DPP10: variants seen among roughly 807,000 people sequenced by gnomAD.
The protein encoded by DPP10 is dipeptidyl peptidase like 10.
Under a neutral mutation model 120.9 loss-of-function variants are expected in DPP10, and 33 were observed. The observed-to-expected ratio is 0.27, with a 90% CI of 0.21 to 0.37. The LOEUF (loss-of-function observed/expected upper bound fraction) is 0.37, where lower values mean the gene tolerates loss of function less well. DPP10 is among the 10% of genes least tolerant of loss of function. The pLI is 1.00. For synonymous variants in DPP10, 337 were observed against 326.1 expected (o/e 1.03, Z -0.36); for missense variants, 816 against 942.8 (o/e 0.87, Z 1.76).
At chr2:115,017,695 T>C (rs564047723) in intron 1 of DPP10, among the ~76,000 whole-genome samples, 114 of 152,162 alleles carry the variant, frequency 7.5e-4, no homozygotes, top group African/African-American at 2.7e-3. Context: ...TGAGTTCATG[T>C]CCTTCATAGG....
intron 1 of DPP10, among the ~76,000 whole-genome samples, chr2:114,902,888 CATCT>C (rs1693692208): frequency 6.6e-6 from 1 of 152,124 alleles, no homozygotes; most frequent in South Asian, 2.1e-4. Context: ...TAATGACATG[CATCT>C]ATCATTATAG....
chr2:114,613,006 T>C (rs897136883), intron 1 of DPP10, among the ~76,000 whole-genome samples: 2 of 152,184 alleles, frequency 1.3e-5, no homozygotes, highest in African/African-American at 4.8e-5. Context: ...CACACCCAAA[T>C]ATCTAATCAC....
intron 1 of DPP10, among the ~76,000 whole-genome samples, chr2:114,734,834 A>G: frequency 6.6e-6 from 1 of 152,180 alleles, no homozygotes; most frequent in East Asian, 1.9e-4. Context: ...CTGCCATAGA[A>G]AACTACCACA....
intron 1 of DPP10, among the ~76,000 whole-genome samples, chr2:114,656,488 T>G (rs1696977542): frequency 6.6e-6 from 1 of 152,122 alleles, no homozygotes; most frequent in Admixed American, 6.6e-5. Context: ...AGTAAACTAT[T>G]TTATAACAGT....
intron 1 of DPP10, among the ~76,000 whole-genome samples, chr2:115,300,299 G>A (rs115213468): frequency 0.033 from 5,084 of 152,054 alleles, 108 homozygotes; most frequent in South Asian, 0.051. Flanking sequence ...CTCGACGCAC[G>A]TCGTTTAAGT....
chr2:114,988,656 A>G (rs1276430502), intron 1 of DPP10, among the ~76,000 whole-genome samples: 5 of 152,298 alleles, frequency 3.3e-5, no homozygotes, highest in South Asian at 2.1e-4. Flanking sequence ...TATCATCAAT[A>G]TGATCTATGC....
chr2:115,500,249 A>G (rs2076614798), intron 4 of DPP10, among the ~76,000 whole-genome samples: 1 of 151,958 alleles, frequency 6.6e-6, no homozygotes, highest in African/African-American at 2.4e-5. Context: ...TCAGTATTGC[A>G]AATGTTGAAA....
At chr2:114,545,035 A>G (rs1687271322) in intron 1 of DPP10, among the ~76,000 whole-genome samples, 1 of 152,044 alleles carries the variant, frequency 6.6e-6, no homozygotes, top group Non-Finnish European at 1.5e-5. Context: ...TATATTTAGT[A>G]GAGACGGGGT....
chr2:115,422,918 G>A (rs974339065), intron 3 of DPP10, among the ~76,000 whole-genome samples: 4 of 152,072 alleles, frequency 2.6e-5, no homozygotes, highest in Non-Finnish European at 5.9e-5. Flanking sequence ...CCCTTCAAAT[G>A]TGACTTCCTT....
Position 115,696,348 on chromosome 2 carries a change from A to C in DPP10, c.576+6427A>C, listed in dbSNP as rs375218544. Among the ~76,000 whole-genome samples the C allele has an allele frequency of 7.2e-5, 11 of 152,286 alleles. No homozygotes were observed. The East Asian group carries it at 2.1e-3, about 29-fold the overall frequency. ...AAAGACAAAGAGAATTTTGAAAGCA[A>C]CCTGAGAGAGGCCCTCCTCGCTTGT... On this transcript the variant is annotated intron_variant, in intron 7 of 25. Coordinates refer to ENST00000410059, the MANE Select transcript of DPP10 (RefSeq NM_020868.6).
chr2:115,585,459 A>G (rs1320642373), intron 5 of DPP10, among the ~76,000 whole-genome samples: 2 of 152,360 alleles, frequency 1.3e-5, no homozygotes, highest in East Asian at 3.9e-4. Flanking sequence ...TGCTAATTGC[A>G]GTACTTTTCA....
At chr2:115,532,584 A>T (rs2078537947) in intron 5 of DPP10, among the ~76,000 whole-genome samples, 1 of 152,044 alleles carries the variant, frequency 6.6e-6, no homozygotes, top group Non-Finnish European at 1.5e-5. Context: ...TTCTCCAGAC[A>T]TAGTGGTTAG....
Position 115,763,727 on chromosome 2 carries a change from A to G in DPP10, c.1113+1117A>G, listed in dbSNP as rs150501724. Among the ~76,000 whole-genome samples the G allele has an allele frequency of 8.4e-3, 1,280 of 152,280 alleles. 53 individuals are homozygous for G. Among genetic ancestry groups the G allele is most frequent in the Admixed American group, 0.075 (1,140 of 15,266 alleles). On this transcript the variant is annotated intron_variant, in intron 12 of 25. Transcript: ENST00000410059. ...AGTGACCTTTTTAAAATATGCATTT[A>G]ATTGTTGCTACTAACATTCCCCTCA...
intron 19 of DPP10, among the ~76,000 whole-genome samples, chr2:115,801,627 G>A (rs540213159): frequency 2.4e-4 from 36 of 152,162 alleles, no homozygotes; most frequent in Non-Finnish European, 4.9e-4. Flanking sequence ...AGTTTATTAA[G>A]AGTTTTTAGC....
At chr2:115,529,741 G>C (rs888128998) in intron 5 of DPP10, among the ~76,000 whole-genome samples, 34 of 152,016 alleles carry the variant, frequency 2.2e-4, no homozygotes, top group Non-Finnish European at 3.7e-4. Flanking sequence ...TTTCTATCTA[G>C]AAGAACAATT....
At chr2:115,495,327 G>A (rs1279025072) in intron 3 of DPP10, among the ~76,000 whole-genome samples, 2 of 116,776 alleles carry the variant, frequency 1.7e-5, no homozygotes, top group African/African-American at 6.5e-5. Context: ...AGTTTTAGGA[G>A]TTTAATGTTT....
chr2:114,533,225 G>A (rs543899269), intron 1 of DPP10, among the ~76,000 whole-genome samples: 4 of 152,232 alleles, frequency 2.6e-5, no homozygotes, highest in Admixed American at 6.5e-5. Flanking sequence ...TTGAATGGGG[G>A]GAACTCTGTC....
chr2:114,636,608 C>T (rs568338221), intron 1 of DPP10, among the ~76,000 whole-genome samples: 184 of 152,000 alleles, frequency 1.2e-3, no homozygotes, highest in East Asian at 1.4e-3. Context: ...ACTCTGGGAA[C>T]GCTGTAGTAA....
intron 7 of DPP10, among the ~76,000 whole-genome samples, chr2:115,697,535 C>T (rs1249303922): frequency 6.6e-6 from 1 of 151,552 alleles, no homozygotes; most frequent in Non-Finnish European, 1.5e-5. Context: ...TACCTAATAA[C>T]AGACCATCAA....
Sources: gnomAD v4.1 joint callset for allele counts (sites outside exome capture counted in the v4.1 genomes callset) on GRCh38, gnomAD v4.1.1 for gene constraint, MANE v1.5 for transcripts, NCBI Gene and HGNC (gene_info 2026-07-23, HGNC 2026-07-21) for gene names.